CLPB: variants seen among roughly 807,000 people sequenced by gnomAD.
CLPB encodes ClpB family mitochondrial disaggregase.
CLPB carries 40 observed loss-of-function variants against 78.4 expected under a neutral mutation model. That is an observed-to-expected ratio of 0.51 (90% CI 0.40 to 0.66). The LOEUF is 0.66. CLPB is among the 30% of genes least tolerant of loss of function. The pLI is 0.00. For synonymous variants in CLPB, 333 were observed against 348.0 expected (o/e 0.96, Z 0.48); for missense variants, 780 against 886.9 (o/e 0.88, Z 1.53).
intron 2 of CLPB, among the ~76,000 whole-genome samples, chr11:72,425,101 T>C (rs1379728554): frequency 1.3e-5 from 2 of 152,148 alleles, no homozygotes; most frequent in Non-Finnish European, 2.9e-5. Flanking sequence ...GTGTCTCTTG[T>C]TTTTCCCTTT....
intron 2 of CLPB, among the ~76,000 whole-genome samples, chr11:72,414,867 C>G (rs1003387911): frequency 6.6e-6 from 1 of 152,150 alleles, no homozygotes; most frequent in African/African-American, 2.4e-5. Context: ...CATTTATGAT[C>G]TCATTTGATC....
At position 72,343,348 on chromosome 11, in the gene CLPB, G is replaced by T. The variant is rs961277294; in HGVS notation, c.776-13544C>A. On this transcript the variant is annotated intron_variant, in intron 5 of 15. Coordinates refer to ENST00000538039, the MANE Select transcript of CLPB (RefSeq NM_001258392.3). ...ATATGGAGAGAATCGGAAATGTGGG[G>T]GTGGGGGAGGTAGTATCTTCAACTA... Among the ~76,000 whole-genome samples the T allele has an allele frequency of 2.6e-5, 4 of 152,292 alleles. No homozygotes were observed. The South Asian group carries it at 6.2e-4, about 24-fold the overall frequency.
intron 4 of CLPB, among the ~76,000 whole-genome samples, chr11:72,377,430 C>A (rs891712800): frequency 6.6e-6 from 1 of 152,092 alleles, no homozygotes; most frequent in Non-Finnish European, 1.5e-5. Context: ...AGGAAGCCTA[C>A]TACTAAATTT....
intron 7 of CLPB, among the ~76,000 whole-genome samples, chr11:72,311,486 AG>A (rs983321805): frequency 2.6e-5 from 4 of 152,322 alleles, no homozygotes; most frequent in African/African-American, 9.6e-5. Flanking sequence ...TGCACGCAGA[AG>A]TTAGGTGACC....
chr11:72,358,909 T>C lies in CLPB; in HGVS notation c.746A>G (p.Tyr249Cys), dbSNP rs2135613452. The part of the protein sequence containing the change: ...ALHYAVLADD[Y>C]RTVKELLDGG... ...ATCAAGCAGCTCCTTGACAGTGCGGTAGTCATCAGCAAGAACAGCATAGTG... is the reference window on the plus strand; with the variant it reads ...ATCAAGCAGCTCCTTGACAGTGCGGCAGTCATCAGCAAGAACAGCATAGTG... The change falls in exon 5 of 16, where the codon TAC (tyrosine) becomes TGC (cysteine). Residue 249 changes from tyrosine (Y) to cysteine (C), a missense_variant. By Grantham distance (194) the Tyr-to-Cys change is radical (BLOSUM62 -2). Around this residue, in one of 3 missense-constraint regions of CLPB, gnomAD observed 417 missense variants for 414.7 expected, o/e 1.01. Transcript: ENST00000538039. The C allele has an allele frequency of 6.3e-7, 1 of 1,595,492 alleles. No individual in the cohort carries two copies. The highest frequency in any genetic ancestry group is 8.5e-7 in the Non-Finnish European group (1 of 1,169,940).
Position 72,403,002 on chromosome 11 carries a change from G to A in CLPB, c.506C>T (p.Thr169Ile). 1 of 1,613,816 alleles carries A rather than the reference G, an allele frequency of 6.2e-7. No homozygotes were observed. The highest frequency in any genetic ancestry group is 8.5e-7 in the Non-Finnish European group (1 of 1,180,022). Residue 169 changes from threonine to isoleucine, a missense_variant, in exon 3 of 16, where the codon ACA becomes ATA. Transcript: ENST00000538039. ...DVNAKHRLGW[T>I]ALMVAAINRN... ...GTTGATGGCTGCCACCATGAGTGCTGTCCAGCCAAGTCTGTGCTTTGCATT... is the reference window on the plus strand; with the variant it reads ...GTTGATGGCTGCCACCATGAGTGCTATCCAGCCAAGTCTGTGCTTTGCATT...
intron 5 of CLPB, chr11:72,354,595 C>T (rs975853181): frequency 1.1e-5 from 4 of 355,344 alleles, no homozygotes; most frequent in Non-Finnish European, 2.0e-5. Flanking sequence ...GCCTCTTCCC[C>T]ACCTTCCTCC....
At chr11:72,402,094 T>TAAA (rs756386383) in intron 3 of CLPB, among the ~76,000 whole-genome samples, 1 of 142,270 alleles carries the variant, frequency 7.0e-6, no homozygotes, top group Admixed American at 7.0e-5. Flanking sequence ...CCCCTATCTT[T>TAAA]AAAAAAAAAA....
chr11:72,434,475 C>G lies in CLPB; in HGVS notation c.-1G>C. 1 of 1,533,326 alleles carries G rather than the reference C, an allele frequency of 6.5e-7. No individual in the cohort carries two copies. Among genetic ancestry groups the G allele is most frequent in the South Asian group, 1.3e-5 (1 of 79,644 alleles). The allele number at this position is 1,533,326 out of a possible 1,614,324, so 95.0% of individuals were successfully genotyped here. Reference sequence around the variant, plus strand: ...TCCTCAACACCAGGGACCCCAGCATCTTGACAGCTGCTTCGATAACCCCGT... The same window carrying G: ...TCCTCAACACCAGGGACCCCAGCATGTTGACAGCTGCTTCGATAACCCCGT... On this transcript the variant is annotated 5_prime_UTR_variant, in exon 1 of 16. Coordinates refer to ENST00000538039, the MANE Select transcript of CLPB (RefSeq NM_001258392.3).
chr11:72,365,830 G>A (rs895709923), intron 4 of CLPB, among the ~76,000 whole-genome samples: 19 of 152,140 alleles, frequency 1.2e-4, no homozygotes, highest in Admixed American at 5.9e-4. Context: ...TTCAATAAAT[G>A]GTGCTGGGAT....
intron 3 of CLPB, among the ~76,000 whole-genome samples, chr11:72,398,117 C>A (rs551471860): frequency 6.6e-6 from 1 of 152,218 alleles, no homozygotes; most frequent in South Asian, 2.1e-4. Flanking sequence ...GGTCAACAGT[C>A]GTCACACTCC....
intron 2 of CLPB, among the ~76,000 whole-genome samples, chr11:72,406,791 A>T (rs1228743424): frequency 6.6e-6 from 1 of 152,186 alleles, no homozygotes; most frequent in East Asian, 1.9e-4. Context: ...ACTGGGGAGG[A>T]GACAGAGAGA....
intron 5 of CLPB, among the ~76,000 whole-genome samples, chr11:72,344,706 G>A (rs186994762): frequency 1.4e-4 from 21 of 152,116 alleles, no homozygotes; most frequent in African/African-American, 5.1e-4. Context: ...TCTCACTCCT[G>A]GCTATATATT....
At chr11:72,304,730 C>G (rs1466829597) in intron 9 of CLPB, among the ~76,000 whole-genome samples, 2 of 152,178 alleles carry the variant, frequency 1.3e-5, no homozygotes, top group South Asian at 2.1e-4. Context: ...AACTAGGGAT[C>G]AGAGAGCCAG....
intron 4 of CLPB, among the ~76,000 whole-genome samples, chr11:72,373,563 T>A (rs1008247367): frequency 6.6e-6 from 1 of 152,208 alleles, no homozygotes; most frequent in African/African-American, 2.4e-5. Context: ...ATTTATTCCA[T>A]CTCACAGACA....
rs1949434418 is a variant in CLPB at position 72,290,154 on chromosome 11, G to T, written c.*3213C>A. 6.6e-6 allele frequency: 1 copy of T among 152,172 alleles called. No homozygotes were observed. The highest frequency in any genetic ancestry group is 2.1e-4 in the South Asian group (1 of 4,836). The allele number at this position is 152,172 out of a possible 1,614,324, so 9.4% of individuals were successfully genotyped here. A position where few individuals can be genotyped will look rare whatever the true frequency, so the allele number is the denominator to read the frequency against. On this transcript the variant is annotated 3_prime_UTR_variant, in exon 16 of 16. Transcript: ENST00000538039. ...AATGACTGATGCCAGGGCTGAGATA[G>T]GGAAAATGTGAGGAAGCCTGAAACA...
intron 1 of CLPB, among the ~76,000 whole-genome samples, chr11:72,432,841 C>G (rs1856586453): frequency 6.6e-6 from 1 of 152,144 alleles, no homozygotes; most frequent in Non-Finnish European, 1.5e-5. Flanking sequence ...CCACATCAAA[C>G]GAATCAAAGT....
chr11:72,302,650 A>AC (rs1235968584), intron 9 of CLPB: 2 of 349,972 alleles, frequency 5.7e-6, no homozygotes, highest in African/African-American at 4.2e-5. Context: ...TCATCCACCC[A>AC]CCCATCCATC....
chr11:72,408,476 GCTGACACGGTGAAACCCTGTCT>G (rs1855775406), intron 2 of CLPB, among the ~76,000 whole-genome samples: 3 of 151,954 alleles, frequency 2.0e-5, no homozygotes, highest in Admixed American at 6.6e-5. Context: ...GACCATCCTG[GCTGACACGGTGAAACCCTGTCT>G]CTACTAAAAA....
Sources: allele counts gnomAD v4.1 joint callset (sites outside exome capture counted in the v4.1 genomes callset), GRCh38; gene constraint gnomAD v4.1.1; regional missense constraint gnomAD v4.1.1; transcripts MANE v1.5; gene names NCBI Gene and HGNC (gene_info 2026-07-23, HGNC 2026-07-21).